Variants in DLGAP2 observed in about 807,000 individuals in gnomAD.
DLGAP2 encodes the protein disks large-associated protein 2.
A neutral mutation model predicts 100.3 loss-of-function variants in DLGAP2; 26 were observed. That is an observed-to-expected ratio of 0.26 (90% CI 0.19 to 0.36). The LOEUF is 0.36. Ranked by LOEUF, DLGAP2 falls within the 10% of genes least tolerant of loss-of-function variation. The pLI, the probability that DLGAP2 is intolerant of heterozygous loss-of-function variation, is 1.00. For synonymous variants in DLGAP2, 886 were observed against 630.1 expected (o/e 1.41, Z -6.08); for missense variants, 1,858 against 1,453.2 (o/e 1.28, Z -4.53).
chr8:880,927 C>G (rs776605263), intron 1 of DLGAP2, among the ~76,000 whole-genome samples: 1 of 152,238 alleles, frequency 6.6e-6, no homozygotes, highest in African/African-American at 2.4e-5. Context: ...TAATTTATAA[C>G]TAGTCGTATC....
chr8:958,424 C>G (rs1449414833), intron 2 of DLGAP2, among the ~76,000 whole-genome samples: 1 of 152,034 alleles, frequency 6.6e-6, no homozygotes, highest in African/African-American at 2.4e-5. Context: ...GAATGACCTA[C>G]AAGTGGAATT....
chr8:1,578,175 A>C (rs1007195273), intron 6 of DLGAP2, among the ~76,000 whole-genome samples: 7 of 152,216 alleles, frequency 4.6e-5, no homozygotes, highest in African/African-American at 1.7e-4. Flanking sequence ...TTACGTTTCC[A>C]AGTGATTCAA....
intron 12 of DLGAP2, among the ~76,000 whole-genome samples, chr8:1,681,157 T>C (rs917538980): frequency 6.6e-6 from 1 of 152,220 alleles, no homozygotes; most frequent in Non-Finnish European, 1.5e-5. Context: ...GTTTATCCCA[T>C]TCGGGACACA....
intron 3 of DLGAP2, among the ~76,000 whole-genome samples, chr8:1,358,297 C>T (rs548746174): frequency 6.6e-6 from 1 of 152,112 alleles, no homozygotes; most frequent in Non-Finnish European, 1.5e-5. Context: ...TCTTCATTTC[C>T]GATCAGCAGC....
intron 2 of DLGAP2, among the ~76,000 whole-genome samples, chr8:957,622 G>A (rs1020464770): frequency 6.6e-6 from 1 of 152,174 alleles, no homozygotes; most frequent in African/African-American, 2.4e-5. Context: ...ATTTCTTAGT[G>A]TTGAAATAGT....
At chr8:1,226,742 A>T (rs1030687590) in intron 2 of DLGAP2, among the ~76,000 whole-genome samples, 5 of 152,094 alleles carry the variant, frequency 3.3e-5, no homozygotes, top group Admixed American at 3.3e-4. Flanking sequence ...CTTTTCACAC[A>T]ACTGTTGAAC....
At chr8:1,331,516 G>A (rs1801157735) in intron 3 of DLGAP2, among the ~76,000 whole-genome samples, 1 of 152,214 alleles carries the variant, frequency 6.6e-6, no homozygotes, top group Admixed American at 6.5e-5. Context: ...TAGGGACACG[G>A]ATCTGGGCAG....
At chr8:1,008,381 G>C (rs7011119) in intron 2 of DLGAP2, among the ~76,000 whole-genome samples, 59,082 of 151,702 alleles carry the variant, frequency 0.39, 11,737 homozygotes, top group African/African-American at 0.46. Flanking sequence ...AACTGGTATT[G>C]ATTTTGCAGA....
chr8:1,416,709 C>T (rs1796895601), intron 3 of DLGAP2, among the ~76,000 whole-genome samples: 1 of 152,104 alleles, frequency 6.6e-6, no homozygotes. Context: ...ATAAGTAAAA[C>T]AAGGAATCAA....
intron 2 of DLGAP2, among the ~76,000 whole-genome samples, chr8:1,207,151 A>T (rs1396528616): frequency 1.3e-5 from 2 of 152,118 alleles, no homozygotes; most frequent in Non-Finnish European, 2.9e-5. Flanking sequence ...TGGATAAGTG[A>T]CTGAGTGGTG....
At chr8:902,985 C>CGG (rs539189812) in intron 1 of DLGAP2, among the ~76,000 whole-genome samples, 8 of 39,776 alleles carry the variant, frequency 2.0e-4, no homozygotes, top group Admixed American at 8.7e-4. Flanking sequence ...TGGGTGGGGG[C>CGG]GGGGGGGCGG....
chr8:1,227,164 A>ATATATATATATATATATATATC (rs1798437160), intron 2 of DLGAP2, among the ~76,000 whole-genome samples: 1 of 137,836 alleles, frequency 7.3e-6, no homozygotes, highest in Non-Finnish European at 1.5e-5. Flanking sequence ...ATATATATAT[A>ATATATATATATATATATATATC]TATATATATA....
chr8:892,410 C>T (rs983221884), intron 1 of DLGAP2, among the ~76,000 whole-genome samples: 1 of 152,118 alleles, frequency 6.6e-6, no homozygotes, highest in African/African-American at 2.4e-5. Flanking sequence ...GGTGGATGAA[C>T]CCTGGGGACA....
rs372727384 is a variant in DLGAP2 at position 1,698,735 on chromosome 8, G to A, written c.2949+1436G>A. Among the ~76,000 whole-genome samples, 105 of 151,164 alleles carry A rather than the reference G, an allele frequency of 6.9e-4. 2 individuals are homozygous for A. In the East Asian group the frequency reaches 0.017, roughly 24 times the overall value. ...CCATGCATGGGACAGGTCCACATAA[G>A]CCATGTGTGGGACTAGACAAGTCCA... On this transcript the variant is annotated intron_variant, in intron 14 of 14. Transcript: ENST00000637795.
chr8:762,077 G>A (rs911544673), intron 1 of DLGAP2, among the ~76,000 whole-genome samples: 1 of 152,210 alleles, frequency 6.6e-6, no homozygotes, highest in African/African-American at 2.4e-5. Flanking sequence ...GTCAAAGGCT[G>A]TGCTATGTAA....
chr8:1,030,935 G>T (rs1245023393), intron 2 of DLGAP2, among the ~76,000 whole-genome samples: 1 of 152,220 alleles, frequency 6.6e-6, no homozygotes, highest in Non-Finnish European at 1.5e-5. Flanking sequence ...GTCGGTGCCT[G>T]ACCCAGTGTC....
At chr8:904,537 A>G (rs1197314600) in intron 1 of DLGAP2, among the ~76,000 whole-genome samples, 5 of 152,294 alleles carry the variant, frequency 3.3e-5, no homozygotes, top group African/African-American at 1.2e-4. Flanking sequence ...ACATGGCTGC[A>G]TGTGACGGCC....
chr8:1,616,502 G>A (rs1238313597), intron 6 of DLGAP2, among the ~76,000 whole-genome samples: 1 of 152,086 alleles, frequency 6.6e-6, no homozygotes, highest in East Asian at 1.9e-4. Flanking sequence ...CCAAGGAAGG[G>A]GTCAAACAGA....
chr8:1,330,033 A>G (rs150878004), intron 3 of DLGAP2, among the ~76,000 whole-genome samples: 4 of 152,302 alleles, frequency 2.6e-5, no homozygotes, highest in Non-Finnish European at 5.9e-5. Flanking sequence ...GATGTCCATT[A>G]AAGTGGCTTT....
Sources: allele counts gnomAD v4.1 joint callset (sites outside exome capture counted in the v4.1 genomes callset), GRCh38; gene constraint gnomAD v4.1.1; transcripts MANE v1.5; gene names NCBI Gene and HGNC (gene_info 2026-07-23, HGNC 2026-07-21).